The following ADAMTS19 variants were observed in gnomAD, a reference collection of about 807,000 sequenced individuals.
The protein encoded by ADAMTS19 is ADAM metallopeptidase with thrombospondin type 1 motif 19.
ADAMTS19 carries 93 observed loss-of-function variants against 153.3 expected under a neutral mutation model. That is an observed-to-expected ratio of 0.61 (90% confidence interval 0.51 to 0.72). The LOEUF is 0.72. Ranked by LOEUF, ADAMTS19 falls within the 30% of genes least tolerant of loss-of-function variation. ADAMTS19 has a pLI of 0.00. For missense variants in ADAMTS19, 1,482 were observed against 1,552.1 expected (o/e 0.95, Z 0.76); for synonymous variants, 600 against 556.6 (o/e 1.08, Z -1.10).
intron 18 of ADAMTS19, 118 bp downstream of exon 18, chr5:129,684,391 G>A: frequency 1.5e-6 from 2 of 1,316,482 alleles, no homozygotes; most frequent in Non-Finnish European, 2.0e-6. Context: ...TAAAGAGTTA[G>A]AAATGGAAAG....
chr5:129,573,750 G>C (rs902119887), intron 7 of ADAMTS19, among the ~76,000 whole-genome samples: 1 of 151,968 alleles, frequency 6.6e-6, no homozygotes, highest in Admixed American at 6.6e-5. Context: ...TGTCAAAGTT[G>C]ATTGTTCTTA....
At chr5:129,565,498 T>C (rs1266756922) in intron 7 of ADAMTS19, among the ~76,000 whole-genome samples, 1 of 152,222 alleles carries the variant, frequency 6.6e-6, no homozygotes, top group Non-Finnish European at 1.5e-5. Context: ...CACTTCTCTT[T>C]CTTATCATTT....
intron 7 of ADAMTS19, among the ~76,000 whole-genome samples, chr5:129,574,014 G>C (rs944844601): frequency 1.3e-5 from 2 of 151,966 alleles, no homozygotes; most frequent in African/African-American, 4.8e-5. Flanking sequence ...AATGTTGTCA[G>C]TGAACAATAA....
intron 16 of ADAMTS19, among the ~76,000 whole-genome samples, chr5:129,671,770 C>T (rs1754311872): frequency 1.3e-5 from 2 of 152,136 alleles, no homozygotes; most frequent in South Asian, 2.1e-4. Context: ...ATGGAAAATA[C>T]TTCAGATAGA....
Position 129,737,083 on chromosome 5 carries a change from G to A in ADAMTS19, c.3507G>A (p.Lys1169=). 1 of 1,597,514 alleles carries A rather than the reference G, an allele frequency of 6.3e-7. No individual in the cohort carries two copies. The highest frequency in any genetic ancestry group is 8.6e-7 in the Non-Finnish European group (1 of 1,169,398). ...TSPRLAALTF[K]CLGDQWPVYC... is the part of the protein sequence containing the mutation. Reference sequence around the variant, plus strand: ...GTTTCACAGCTGCTCTGACTTTCAAGTGCCTGGGAGATCAGTGGCCAGTGT... The same window carrying A: ...GTTTCACAGCTGCTCTGACTTTCAAATGCCTGGGAGATCAGTGGCCAGTGT... Residue 1169 remains lysine, a synonymous_variant, in exon 23 of 23, where the codon AAG becomes AAA. Coordinates refer to ENST00000274487, the MANE Select transcript of ADAMTS19 (RefSeq NM_133638.6).
intron 18 of ADAMTS19, among the ~76,000 whole-genome samples, chr5:129,684,770 G>A (rs759129656): frequency 1.3e-4 from 20 of 152,070 alleles, no homozygotes; most frequent in African/African-American, 1.2e-4. Context: ...GGCAGATCAC[G>A]AGGTCAGGAG....
intron 2 of ADAMTS19, among the ~76,000 whole-genome samples, chr5:129,491,116 C>T (rs1432599739): frequency 6.6e-6 from 1 of 152,138 alleles, no homozygotes; most frequent in Non-Finnish European, 1.5e-5. Context: ...ATTCTTCTGC[C>T]TCAGCCTCCC....
At chr5:129,479,942 G>C (rs1750354695) in intron 2 of ADAMTS19, among the ~76,000 whole-genome samples, 1 of 151,980 alleles carries the variant, frequency 6.6e-6, no homozygotes, top group East Asian at 1.9e-4. Context: ...AAGCTTTTTG[G>C]GTAGAAATTG....
intron 11 of ADAMTS19, among the ~76,000 whole-genome samples, chr5:129,645,240 C>G (rs948394084): frequency 3.9e-5 from 6 of 152,146 alleles, no homozygotes; most frequent in Admixed American, 1.3e-4. Context: ...TACATAACTT[C>G]TTTTTTGAGG....
intron 3 of ADAMTS19, among the ~76,000 whole-genome samples, chr5:129,519,653 A>C (rs1581031391): frequency 6.6e-6 from 1 of 151,804 alleles, no homozygotes. Context: ...TATAGGAAAA[A>C]AAAAAAAAGA....
At chr5:129,600,770 A>G (rs775682967) in intron 8 of ADAMTS19, among the ~76,000 whole-genome samples, 6 of 152,190 alleles carry the variant, frequency 3.9e-5, no homozygotes, top group Non-Finnish European at 8.8e-5. Flanking sequence ...TAAGATCTAC[A>G]GTAAGAAAGA....
rs1339784669 is a variant in ADAMTS19 at position 129,596,567 on chromosome 5, T to A, written c.1381T>A (p.Tyr461Asn). 1 of 1,600,278 alleles carries A rather than the reference T, an allele frequency of 6.2e-7. No homozygotes were observed. The highest frequency in any genetic ancestry group is 8.5e-7 in the Non-Finnish European group (1 of 1,172,414). ...ATGTTTGTATTTTTTAGGTATAGCT[T>A]ACTTGAGTGGAATGTGTAGTGAAAA... is the stretch of plus-strand genomic sequence containing the variant. ...DEPCDTVGIAYLSGMCSEKRK... is the reference protein window; with the variant it reads ...DEPCDTVGIANLSGMCSEKRK... Residue 461 changes from tyrosine (Y) to asparagine (N), a missense_variant, in exon 8 of 23, where the codon TAC becomes AAC. This residue lies in a region of ADAMTS19 where 866 missense variants were observed against 827.7 expected (regional missense o/e 1.05). Transcript: ENST00000274487.
chr5:129,554,701 T>A (rs1007986564), intron 7 of ADAMTS19, among the ~76,000 whole-genome samples: 32 of 152,212 alleles, frequency 2.1e-4, no homozygotes, highest in African/African-American at 7.7e-4. Context: ...AGTCAGTATA[T>A]CCTTATTACT....
chr5:129,539,028 A>G (rs958107824), intron 6 of ADAMTS19, among the ~76,000 whole-genome samples: 3 of 152,066 alleles, frequency 2.0e-5, no homozygotes, highest in Non-Finnish European at 4.4e-5. Flanking sequence ...CATGCTATAC[A>G]CAGTTTTCTC....
chr5:129,516,326 A>G (rs2126738311), intron 3 of ADAMTS19, among the ~76,000 whole-genome samples: 1 of 146,260 alleles, frequency 6.8e-6, no homozygotes, highest in Middle Eastern at 3.6e-3. Context: ...ATGACTTTGG[A>G]AGTATTCCCT....
At chr5:129,722,782 C>T (rs1452496721) in intron 21 of ADAMTS19, among the ~76,000 whole-genome samples, 1 of 152,154 alleles carries the variant, frequency 6.6e-6, no homozygotes, top group Non-Finnish European at 1.5e-5. Context: ...AGTGAAATTT[C>T]CATGTTCACT....
chr5:129,727,019 T>G lies in ADAMTS19; in HGVS notation c.3313-7913T>G, dbSNP rs575442361. Reference sequence around the variant, plus strand: ...ACATGGCACATTGGCTCAGTAAATATTTGTTGAATGAATAAATGAAATACA... The same window carrying G: ...ACATGGCACATTGGCTCAGTAAATAGTTGTTGAATGAATAAATGAAATACA... On this transcript the variant is annotated intron_variant, in intron 21 of 22. Coordinates refer to ENST00000274487, the MANE Select transcript of ADAMTS19 (RefSeq NM_133638.6). Among the ~76,000 whole-genome samples, 12 of 152,256 alleles carry G rather than the reference T, an allele frequency of 7.9e-5. No homozygotes were observed. In the South Asian group the frequency reaches 2.5e-3, roughly 32 times the overall value.
chr5:129,691,945 CTGTGACTATATATA>C (rs1755357918), intron 18 of ADAMTS19, among the ~76,000 whole-genome samples: 1 of 152,054 alleles, frequency 6.6e-6, no homozygotes, highest in South Asian at 2.1e-4. Context: ...GTTATTTATT[CTGTGACTATATATA>C]TGTTCAGCAA....
intron 6 of ADAMTS19, among the ~76,000 whole-genome samples, chr5:129,528,974 G>T (rs1222121624): frequency 6.6e-6 from 1 of 151,986 alleles, no homozygotes; most frequent in Non-Finnish European, 1.5e-5. Context: ...GAATTTTGTT[G>T]TAAGTTCCAA....
Sources: gnomAD v4.1 joint callset for allele counts (sites outside exome capture counted in the v4.1 genomes callset) on GRCh38, gnomAD v4.1.1 for gene constraint, gnomAD v4.1.1 regional missense constraint, MANE v1.5 for transcripts, NCBI Gene and HGNC (gene_info 2026-07-23, HGNC 2026-07-21) for gene names.